Variants in GUCD1 observed in about 807,000 individuals in gnomAD.
The protein encoded by GUCD1 is guanylyl cyclase domain containing 1, also known as protein GUCD1.
In GUCD1, 17 loss-of-function variants were observed where a neutral mutation model predicts 28.3. The ratio of observed to expected loss-of-function variants is 0.60; its 90% confidence interval spans 0.41 to 0.90. The LOEUF is 0.90. Ranked by LOEUF, GUCD1 falls within the 40% of genes least tolerant of loss-of-function variation. The pLI is 0.00. For synonymous variants in GUCD1, 129 were observed against 123.3 expected, an observed-to-expected ratio of 1.05 and a Z score of -0.30; for missense variants, 279 against 305.5, an observed-to-expected ratio of 0.91 and a Z score of 0.65.
rs768829205 is a variant in GUCD1, at chr22:24,544,132, A to G, written c.387-49T>C. 1.1e-5 allele frequency: 18 copies of G among 1,584,654 alleles called. No homozygotes were observed. In the African/African-American group the frequency reaches 1.6e-4, roughly 14 times the overall value. On this transcript the variant is annotated intron_variant, in intron 4 of 5. Coordinates refer to ENST00000435822, the MANE Select transcript of GUCD1 (RefSeq NM_001284254.2). ...TGGTGCTGCTGGGCCCCCATTCCCC[A>G]TCCCTCAAATGGATCCCTGCTTGTG...
rs542613484 is a variant in GUCD1, at chr22:24,545,842, C to T, written c.386+1072G>A. ...TCCTAACCTCGTGATCCGCCCGCCT[C>T]GGCCTCCCAAAGTGCTGGGATTACA... On this transcript the variant is annotated intron_variant, in intron 4 of 5. Coordinates refer to ENST00000435822, the MANE Select transcript of GUCD1 (RefSeq NM_001284254.2). Among the ~76,000 whole-genome samples, 291 of 152,136 alleles carry T rather than the reference C, an allele frequency of 1.9e-3. 3 individuals are homozygous for T. The highest frequency in any genetic ancestry group is 6.6e-3 in the African/African-American group (276 of 41,516).
chr22:24,555,441 C>T (rs898911525), upstream of GUCD1: 19 of 1,154,610 alleles, frequency 1.6e-5, no homozygotes, highest in African/African-American at 2.8e-4. Flanking sequence ...TCTGCCGGGT[C>T]CCGCTCTTTT....
intron 1 of GUCD1, among the ~76,000 whole-genome samples, chr22:24,554,689 G>A (rs1243836788): frequency 2.0e-5 from 3 of 152,240 alleles, no homozygotes; most frequent in East Asian, 1.9e-4. Flanking sequence ...GGTTTCCCAA[G>A]GCATGGGAGC....
At chr22:24,554,837 T>A in intron 1 of GUCD1, 112 bp downstream of exon 1, 1 of 778,048 alleles carries the variant, frequency 1.3e-6, no homozygotes, top group Non-Finnish European at 2.1e-6. Flanking sequence ...CAGGCGGGTG[T>A]GGGGGCGAGG....
intron 1 of GUCD1, among the ~76,000 whole-genome samples, chr22:24,549,380 G>C (rs957514193): frequency 6.8e-6 from 1 of 147,276 alleles, no homozygotes; most frequent in African/African-American, 2.7e-5. Context: ...AGGTGCCTGA[G>C]CTAACTCCTG....
At chr22:24,544,740 A>G (rs565709230) in intron 4 of GUCD1, among the ~76,000 whole-genome samples, 29 of 152,314 alleles carry the variant, frequency 1.9e-4, no homozygotes, top group African/African-American at 6.3e-4. Context: ...GGCTGGGCAC[A>G]GTGGCTCACA....
rs778610361 is a variant in GUCD1, at chr22:24,544,035, C to T, written c.435G>A (p.Val145=). 7 of 1,613,934 alleles carry T rather than the reference C, an allele frequency of 4.3e-6. No individual in the cohort carries two copies. In the South Asian group the frequency reaches 7.7e-5, roughly 18 times the overall value. ...DIQAHLAQGH[V]AIVLVNSGVL... ...CCCCCGAGTTCACCAGCACGATGGC[C>T]ACATGGCCCTGAGCCAGGTGCGCCT... is the stretch of plus-strand genomic sequence containing the variant. The change falls in exon 5 of 6, where the codon GTG becomes GTA. Residue 145 remains valine (V), a synonymous_variant. Coordinates refer to ENST00000435822, the MANE Select transcript of GUCD1 (RefSeq NM_001284254.2).
At position 24,543,894 on chromosome 22, in the gene GUCD1, G is replaced by A. The variant is rs780045485; in HGVS notation, c.576C>T (p.Gly192=). 13 of 1,613,960 alleles carry A rather than the reference G, an allele frequency of 8.1e-6. No individual in the cohort carries two copies. The highest frequency in any genetic ancestry group is 1.0e-5 in the Non-Finnish European group (12 of 1,179,968). The change falls in exon 5 of 6, where the codon GGC becomes GGT. Residue 192 remains glycine (G), a synonymous_variant. Coordinates refer to ENST00000435822, the MANE Select transcript of GUCD1 (RefSeq NM_001284254.2). ...DYQGHFIVLR[G]YNRATGCIFY... Reference sequence around the variant, plus strand: ...AGATGCAGCCAGTGGCCCGGTTGTAGCCACGCAGCACGATGAAGTGGCCCT... The same window carrying A: ...AGATGCAGCCAGTGGCCCGGTTGTAACCACGCAGCACGATGAAGTGGCCCT...
chr22:24,555,283 TGA>T, upstream of GUCD1: 1 of 1,371,226 alleles, frequency 7.3e-7, no homozygotes, highest in Non-Finnish European at 9.4e-7. Context: ...GCCTCAGCGT[TGA>T]GTGGCCCCAC....
At position 24,543,693 on chromosome 22, in the gene GUCD1, A is replaced by G. The variant is rs987106045; in HGVS notation, c.628+149T>C. The G allele has an allele frequency of 3.1e-5, 32 of 1,038,972 alleles. No homozygotes were observed. In the African/African-American group the frequency reaches 4.5e-4, roughly 14 times the overall value. 64.4% of individuals were successfully genotyped at this position (1,038,972 alleles called of 1,614,324 possible). On this transcript the variant is annotated intron_variant, in intron 5 of 5. Transcript: ENST00000435822. ...TGGCCTGAGGGGTGGCCACAGTGAC[A>G]AGAGCCCAGGAGGAGCAGGGGCTTT...
chr22:24,547,822 C>T, intron 3 of GUCD1, 86 bp downstream of exon 3: 1 of 1,430,432 alleles, frequency 7.0e-7, no homozygotes, highest in Non-Finnish European at 9.7e-7. Flanking sequence ...TAGCCCTTGA[C>T]TGTTCCCTCT....
upstream of GUCD1, chr22:24,555,277 C>T (rs915288233): frequency 7.3e-7 from 1 of 1,364,972 alleles, no homozygotes; most frequent in Non-Finnish European, 9.4e-7. Flanking sequence ...TTCGCCGCCT[C>T]AGCGTTGAGT....
intron 3 of GUCD1, chr22:24,547,418 G>GC (rs1177240285): frequency 1.0e-5 from 2 of 197,744 alleles, no homozygotes; most frequent in Non-Finnish European, 2.1e-5. Context: ...CACTTTGCTG[G>GC]CATGGCTATG....
intron 1 of GUCD1, among the ~76,000 whole-genome samples, chr22:24,553,837 C>T (rs936390759): frequency 6.6e-6 from 1 of 152,266 alleles, no homozygotes; most frequent in Non-Finnish European, 1.5e-5. Context: ...AAGGGCGGAT[C>T]GGACCTAGAG....
At position 24,542,952 on chromosome 22, in the gene GUCD1, C is replaced by T; in HGVS notation, c.*54G>A. 1 of 1,342,894 alleles carries T rather than the reference C, an allele frequency of 7.4e-7. No homozygotes were observed. Among genetic ancestry groups the T allele is most frequent in the Admixed American group, 1.7e-5 (1 of 59,492 alleles). The allele number at this position is 1,342,894 out of a possible 1,614,324, so 83.2% of individuals were successfully genotyped here. On this transcript the variant is annotated 3_prime_UTR_variant, in exon 6 of 6. Coordinates refer to ENST00000435822, the MANE Select transcript of GUCD1 (RefSeq NM_001284254.2). ...CCTGGGCCAGGGCATCCTGAGCGGG[C>T]CCGGCTGGGGTGGGGATGGGGTCCG...
intron 1 of GUCD1, among the ~76,000 whole-genome samples, chr22:24,551,923 T>G (rs2044886350): frequency 6.6e-6 from 1 of 152,248 alleles, no homozygotes; most frequent in African/African-American, 2.4e-5. Flanking sequence ...GTGTGGCCTT[T>G]TGTGAAGTCA....
intron 4 of GUCD1, among the ~76,000 whole-genome samples, chr22:24,545,691 C>T (rs370307167): frequency 2.6e-5 from 4 of 151,570 alleles, no homozygotes; most frequent in African/African-American, 9.7e-5. Flanking sequence ...GCAAGCTCCG[C>T]CTCCTGGGTT....
chr22:24,555,016 T>C lies in GUCD1; in HGVS notation c.-25A>G, dbSNP rs1411475929. The C allele has an allele frequency of 4.0e-6, 6 of 1,488,984 alleles. No homozygotes were observed. Among genetic ancestry groups the C allele is most frequent in the Non-Finnish European group, 5.3e-6 (6 of 1,124,144 alleles). The allele number at this position is 1,488,984 out of a possible 1,614,324, so 92.2% of individuals were successfully genotyped here. A position where few individuals can be genotyped will look rare whatever the true frequency, so the allele number is the denominator to read the frequency against. ...TGACCCGGGCGGCGCGGGGCGCCCA[T>C]GGCCCCGGCCCAGAGCGGGCTACAG... On this transcript the variant is annotated 5_prime_UTR_variant, in exon 1 of 6. The change abolishes an upstream ATG in the 5' untranslated region. Transcript: ENST00000435822.
At chr22:24,545,045 A>G (rs2044691518) in intron 4 of GUCD1, among the ~76,000 whole-genome samples, 1 of 151,732 alleles carries the variant, frequency 6.6e-6, no homozygotes, top group Non-Finnish European at 1.5e-5. Context: ...AAAGAAAAGA[A>G]AAGAAAACAC....
Sources: gnomAD v4.1 joint callset for allele counts (sites outside exome capture counted in the v4.1 genomes callset) on GRCh38, gnomAD v4.1.1 for gene constraint, MANE v1.5 for transcripts, NCBI Gene and HGNC (gene_info 2026-07-23, HGNC 2026-07-21) for gene names.